LTA4H: variants seen among roughly 807,000 people sequenced by gnomAD.
LTA4H encodes the protein leukotriene A-4 hydrolase.
In LTA4H, 59 loss-of-function variants were observed where a neutral mutation model predicts 89.8. That is an observed-to-expected ratio of 0.66 (90% CI 0.53 to 0.82). The LOEUF (loss-of-function observed/expected upper bound fraction) is 0.82. Ranked by LOEUF, LTA4H falls within the 40% of genes least tolerant of loss-of-function variation. The pLI, the probability that LTA4H is intolerant of heterozygous loss-of-function variation, is 0.00. For synonymous variants in LTA4H, 227 were observed against 253.1 expected (o/e 0.90, Z 0.98); for missense variants, 617 against 727.0 (o/e 0.85, Z 1.74).
intron 18 of LTA4H, 114 bp downstream of exon 18, chr12:96,002,846 C>G: frequency 1.5e-6 from 1 of 683,558 alleles, no homozygotes; most frequent in South Asian, 2.1e-5. Flanking sequence ...CAAAATTATA[C>G]TGATAAACTT....
intron 1 of LTA4H, among the ~76,000 whole-genome samples, chr12:96,033,907 C>T (rs1040918538): frequency 5.9e-5 from 9 of 152,224 alleles, no homozygotes; most frequent in East Asian, 1.9e-4. Flanking sequence ...GACCAAAGTG[C>T]GATCTGCAAG....
intron 2 of LTA4H, among the ~76,000 whole-genome samples, chr12:96,028,609 C>T (rs1950538533): frequency 6.6e-6 from 1 of 152,150 alleles, no homozygotes; most frequent in African/African-American, 2.4e-5. Flanking sequence ...TACAAGAATG[C>T]ATTTAAAGCA....
chr12:96,033,527 T>C (rs983946202), intron 1 of LTA4H, among the ~76,000 whole-genome samples: 2 of 152,242 alleles, frequency 1.3e-5, no homozygotes, highest in African/African-American at 4.8e-5. Context: ...TATAAACTCA[T>C]GTTCAAATAT....
At chr12:96,017,671 C>A in intron 8 of LTA4H, 91 bp from the exon 9 acceptor site, 1 of 849,038 alleles carries the variant, frequency 1.2e-6, no homozygotes, top group Non-Finnish European at 2.0e-6. Flanking sequence ...CATACTGGCA[C>A]TGGTGATCCA....
chr12:96,003,960 A>G (rs1204347291), intron 16 of LTA4H, 40 bp from the exon 17 acceptor site: 4 of 1,277,166 alleles, frequency 3.1e-6, no homozygotes, highest in Non-Finnish European at 3.3e-6. Context: ...TCATTTCAAC[A>G]GGATTCCTTG....
chr12:96,014,640 T>A (rs529605451), intron 12 of LTA4H, among the ~76,000 whole-genome samples: 5 of 152,252 alleles, frequency 3.3e-5, no homozygotes, highest in African/African-American at 1.2e-4. Context: ...ACTGATGAGA[T>A]TTTTTAAAAA....
In LTA4H at chr12:96,014,941, A is replaced by T; in HGVS notation, c.1118T>A (p.Ile373Lys). 2 of 1,613,728 alleles carry T rather than the reference A, an allele frequency of 1.2e-6. No individual in the cohort carries two copies. Among genetic ancestry groups the T allele is most frequent in the Non-Finnish European group, 1.7e-6 (2 of 1,179,820 alleles). ...FTKLVVDLTD[I>K]DPDVAYSSVP... ...TGAAGAATAAGCTACATCAGGGTCT[A>T]TATCTGTCAGATCAACCACAAGTTT... The change falls in exon 12 of 19, where the codon ATA (isoleucine) becomes AAA (lysine). Residue 373 changes from isoleucine to lysine, a missense_variant. Around this residue, in one of 3 missense-constraint regions of LTA4H, gnomAD observed 290 missense variants for 339.1 expected, o/e 0.86. Transcript: ENST00000228740.
chr12:96,034,637 C>T (rs1046495729), intron 1 of LTA4H, among the ~76,000 whole-genome samples: 2 of 152,216 alleles, frequency 1.3e-5, no homozygotes, highest in Admixed American at 6.5e-5. Context: ...GAGAGAGCTG[C>T]GCCTAGAGTT....
At chr12:96,005,616 C>G in intron 16 of LTA4H, among the ~76,000 whole-genome samples, 1 of 152,214 alleles carries the variant, frequency 6.6e-6, no homozygotes, top group East Asian at 1.9e-4. Flanking sequence ...TTCTACCTCC[C>G]TGCTAGCCCT....
rs777197120 is a variant in LTA4H at position 96,001,074 on chromosome 12, T to C, written c.1751A>G (p.Gln584Arg). The change falls in exon 19 of 19, where the codon CAA becomes CGA. Residue 584 changes from glutamine (Q) to arginine (R), a missense_variant. Transcript: ENST00000228740. ...GTGCTCTTGGTAGGTTCGGACAGCT[T>C]GATCATGGGATTTGTCAAAGGCAGC... ...DLAAFDKSHD[Q>R]AVRTYQEHKA... 1.2e-6 allele frequency: 2 copies of C among 1,613,954 alleles called. No homozygotes were observed. The highest frequency in any genetic ancestry group is 1.7e-6 in the Non-Finnish European group (2 of 1,179,964).
Position 96,035,451 on chromosome 12 carries a change from G to C in LTA4H, c.69C>G (p.His23Gln). ...GAGTAAAGTCGACGCTGCAGCGCAG[G>C]TGCAGGTGCTTGGTCCGGCAGACGG... Reference protein sequence around the residue: ...PASVCRTKHLHLRCSVDFTRR... With the variant: ...PASVCRTKHLQLRCSVDFTRR... The change falls in exon 1 of 19, where the codon CAC (histidine) becomes CAG (glutamine). Residue 23 changes from histidine to glutamine, a missense_variant. This residue lies in a region of LTA4H where 155 missense variants were observed against 143.3 expected (regional missense o/e 1.08). Coordinates refer to ENST00000228740, the MANE Select transcript of LTA4H (RefSeq NM_000895.3). 6.2e-7 allele frequency: 1 copy of C among 1,609,986 alleles called. No homozygotes were observed. The highest frequency in any genetic ancestry group is 1.7e-4 in the Middle Eastern group (1 of 6,060).
intron 1 of LTA4H, among the ~76,000 whole-genome samples, chr12:96,031,937 GA>G (rs948070444): frequency 3.8e-4 from 57 of 151,986 alleles, no homozygotes; most frequent in African/African-American, 6.5e-4. Flanking sequence ...GGGATATGAT[GA>G]AAAAAAATAG....
At position 96,018,817 on chromosome 12, in the gene LTA4H, G is replaced by T. The variant is rs781053501; in HGVS notation, c.798C>A (p.Phe266Leu). Residue 266 changes from phenylalanine to leucine, a missense_variant, in exon 8 of 19, where the codon TTC (phenylalanine) becomes TTA (leucine). Transcript: ENST00000228740. Reference sequence around the variant, plus strand: ...AAGGATTCTCCATGCCACCATAAGGGAAGGATGGTGGCAGGACCAATAGGT... The same window carrying T: ...AAGGATTCTCCATGCCACCATAAGGTAAGGATGGTGGCAGGACCAATAGGT... ...QYDLLVLPPS[F>L]PYGGMENPCL... 2 of 1,603,194 alleles carry T rather than the reference G, an allele frequency of 1.2e-6. No individual in the cohort carries two copies. The highest frequency in any genetic ancestry group is 1.7e-5 in the Admixed American group (1 of 57,402).
At position 96,024,347 on chromosome 12, in the gene LTA4H, C is replaced by T. The variant is rs572103940; in HGVS notation, c.480+132G>A. The stretch of plus-strand genomic sequence containing the variant: ...ATGAGTGCCACAGCCTCTTTGTTTA[C>T]ATATTTCAGGTAGAATTTCATTAAG... On this transcript the variant is annotated intron_variant, in intron 4 of 18. Coordinates refer to ENST00000228740, the MANE Select transcript of LTA4H (RefSeq NM_000895.3). 4.8e-5 allele frequency: 26 copies of T among 545,630 alleles called. No individual in the cohort carries two copies. The East Asian group carries it at 7.2e-4, about 15-fold the overall frequency. 33.8% of individuals were successfully genotyped at this position (545,630 alleles called of 1,614,324 possible).
chr12:96,034,761 G>T (rs1950617462), intron 1 of LTA4H, among the ~76,000 whole-genome samples: 1 of 152,252 alleles, frequency 6.6e-6, no homozygotes, highest in African/African-American at 2.4e-5. Flanking sequence ...AGGGAACTAG[G>T]AGGGAGACGG....
chr12:96,036,060 C>G (rs769084551), upstream of LTA4H, among the ~76,000 whole-genome samples: 1 of 152,164 alleles, frequency 6.6e-6, no homozygotes, highest in Non-Finnish European at 1.5e-5. Flanking sequence ...GCCTGTCACG[C>G]GGGAGACCGG....
upstream of LTA4H, among the ~76,000 whole-genome samples, chr12:96,036,131 C>T (rs1056262523): frequency 1.3e-5 from 2 of 152,156 alleles, no homozygotes; most frequent in Admixed American, 6.5e-5. Flanking sequence ...GTAAGTAATT[C>T]AAGGTTTAAA....
chr12:96,009,377 A>C, intron 14 of LTA4H: 1 of 514,324 alleles, frequency 1.9e-6, no homozygotes, highest in East Asian at 3.4e-5. Context: ...TCTATCTTTT[A>C]GAAAGAATGC....
intron 4 of LTA4H, among the ~76,000 whole-genome samples, chr12:96,023,289 T>TC (rs1411789298): frequency 6.6e-6 from 1 of 152,138 alleles, no homozygotes; most frequent in Non-Finnish European, 1.5e-5. Context: ...ATAATTCGGT[T>TC]CAGCCACCTC....
Sources: gnomAD v4.1 joint callset for allele counts (sites outside exome capture counted in the v4.1 genomes callset) on GRCh38, gnomAD v4.1.1 for gene constraint, gnomAD v4.1.1 regional missense constraint, MANE v1.5 for transcripts, NCBI Gene and HGNC (gene_info 2026-07-23, HGNC 2026-07-21) for gene names.